TOM1L2: variants seen among roughly 807,000 people sequenced by gnomAD.
The protein encoded by TOM1L2 is target of myb1 like 2 membrane trafficking protein, also known as TOM1-like protein 2.
TOM1L2 carries 31 observed loss-of-function variants against 67.9 expected under a neutral mutation model. The ratio of observed to expected loss-of-function variants is 0.46; its 90% CI spans 0.34 to 0.62. The LOEUF (loss-of-function observed/expected upper bound fraction) is 0.62, where lower values mean the gene tolerates loss of function less well. Among genes scored for constraint, TOM1L2 ranks in the 20% least tolerant of loss-of-function variants. TOM1L2 has a pLI of 0.01. For synonymous variants in TOM1L2, 256 were observed against 254.0 expected (o/e 1.01, Z -0.07); for missense variants, 606 against 663.5 (o/e 0.91, Z 0.95).
At chr17:17,910,990 T>G (rs548608049) in intron 1 of TOM1L2, among the ~76,000 whole-genome samples, 1 of 152,236 alleles carries the variant, frequency 6.6e-6, no homozygotes, top group African/African-American at 2.4e-5. Flanking sequence ...TGGTGTTGGC[T>G]GCTTCTGAAG....
chr17:17,954,670 G>C (rs995718577), intron 1 of TOM1L2, among the ~76,000 whole-genome samples: 7 of 152,120 alleles, frequency 4.6e-5, no homozygotes, highest in African/African-American at 1.7e-4. Context: ...TGGTAGAGTT[G>C]TCCAAAGTTT....
rs570072235 is a variant in TOM1L2, at chr17:17,941,105, C to G, written c.52+31157G>C. 7.9e-5 allele frequency among the ~76,000 whole-genome samples: 12 copies of G among 152,330 alleles called. No individual in the cohort carries two copies. The South Asian group carries it at 8.3e-4, about 11-fold the overall frequency. On this transcript the variant is annotated intron_variant, in intron 1 of 14. Transcript: ENST00000379504. Reference sequence around the variant, plus strand: ...TACTGGAGACCATTTCTCCAGTGAACAGGTGGAAGGGTCATCTCAGTAAGA... The same window carrying G: ...TACTGGAGACCATTTCTCCAGTGAAGAGGTGGAAGGGTCATCTCAGTAAGA...
chr17:17,861,588 T>G, intron 11 of TOM1L2, 37 bp from the exon 12 acceptor site: 1 of 1,589,680 alleles, frequency 6.3e-7, no homozygotes, highest in Non-Finnish European at 8.6e-7. Context: ...GAGTTCATTT[T>G]CCTCCAGTGG....
At chr17:17,885,470 G>A (rs953287497) in intron 4 of TOM1L2, among the ~76,000 whole-genome samples, 1 of 152,168 alleles carries the variant, frequency 6.6e-6, no homozygotes, top group Non-Finnish European at 1.5e-5. Flanking sequence ...CTTTCATGAT[G>A]TCCGCTGCCA....
intron 2 of TOM1L2, among the ~76,000 whole-genome samples, chr17:17,899,019 C>A (rs533640837): frequency 6.6e-6 from 1 of 152,312 alleles, no homozygotes; most frequent in East Asian, 1.9e-4. Context: ...CAGGTGCCAG[C>A]GTAGGGAAGA....
chr17:17,887,766 T>G (rs1230042419), intron 4 of TOM1L2, among the ~76,000 whole-genome samples: 1 of 152,204 alleles, frequency 6.6e-6, no homozygotes, highest in African/African-American at 2.4e-5. Flanking sequence ...ATGAGCCAAC[T>G]GCGCCCAGCC....
intron 8 of TOM1L2, among the ~76,000 whole-genome samples, chr17:17,867,410 A>C (rs1484580132): frequency 6.6e-6 from 1 of 152,112 alleles, no homozygotes; most frequent in Non-Finnish European, 1.5e-5. Flanking sequence ...CGGCCTGGGG[A>C]AATGCTCGCC....
chr17:17,936,026 C>A (rs2040501550), intron 1 of TOM1L2, among the ~76,000 whole-genome samples: 1 of 152,226 alleles, frequency 6.6e-6, no homozygotes, highest in African/African-American at 2.4e-5. Context: ...TGTCACTGGC[C>A]TGCATTTATA....
At chr17:17,911,129 A>G (rs1428941233) in intron 1 of TOM1L2, among the ~76,000 whole-genome samples, 1 of 152,178 alleles carries the variant, frequency 6.6e-6, no homozygotes. Flanking sequence ...CAGAAAAACC[A>G]TGCTCAGAGC....
At chr17:17,962,736 G>A (rs936723714) in intron 1 of TOM1L2, among the ~76,000 whole-genome samples, 1 of 151,996 alleles carries the variant, frequency 6.6e-6, no homozygotes, top group East Asian at 1.9e-4. Context: ...GAGGTGGGTG[G>A]AATCACAAGG....
intron 12 of TOM1L2, among the ~76,000 whole-genome samples, chr17:17,860,975 G>A (rs2036526412): frequency 1.3e-5 from 2 of 152,208 alleles, no homozygotes; most frequent in African/African-American, 4.8e-5. Flanking sequence ...GGTTGGTACT[G>A]CTCTGCTAGG....
chr17:17,970,214 C>T (rs1457274445), intron 1 of TOM1L2, among the ~76,000 whole-genome samples: 2 of 151,682 alleles, frequency 1.3e-5, no homozygotes, highest in Admixed American at 6.6e-5. Flanking sequence ...GCCACCACGC[C>T]TGGCTAATTT....
At position 17,860,884 on chromosome 17, in the gene TOM1L2, C is replaced by G. The variant is rs533753362; in HGVS notation, c.1278+592G>C. Reference sequence around the variant, plus strand: ...ACTTCACTGTGCCGCACCCCCTCACCGCCACAGGACACCCTCCCAGCCACC... The same window carrying G: ...ACTTCACTGTGCCGCACCCCCTCACGGCCACAGGACACCCTCCCAGCCACC... On this transcript the variant is annotated intron_variant, in intron 12 of 14. Coordinates refer to ENST00000379504, the MANE Select transcript of TOM1L2 (RefSeq NM_001082968.2). Among the ~76,000 whole-genome samples the G allele has an allele frequency of 1.5e-3, 231 of 152,338 alleles. 1 individual carries two copies. The highest frequency in any genetic ancestry group is 5.3e-3 in the African/African-American group (219 of 41,574).
intron 1 of TOM1L2, among the ~76,000 whole-genome samples, chr17:17,962,795 C>A (rs2041739774): frequency 6.6e-6 from 1 of 151,848 alleles, no homozygotes; most frequent in Admixed American, 6.6e-5. Context: ...CCTATCTCTA[C>A]TAAAATTGCA....
chr17:17,880,759 G>A (rs1478832985), intron 6 of TOM1L2, among the ~76,000 whole-genome samples: 2 of 152,224 alleles, frequency 1.3e-5, no homozygotes, highest in Non-Finnish European at 2.9e-5. Flanking sequence ...CCAGGCTGCT[G>A]TGAGTTTCCC....
At position 17,907,659 on chromosome 17, in the gene TOM1L2, C is replaced by A. The variant is rs182343095; in HGVS notation, c.53-128G>T. ...GATGGGCTGAGCCAACAGAGCCATTCTAGGAGTGCTATTATCACAAGAGAA... is the reference window on the plus strand; with the variant it reads ...GATGGGCTGAGCCAACAGAGCCATTATAGGAGTGCTATTATCACAAGAGAA... On this transcript the variant is annotated intron_variant, in intron 1 of 14. Coordinates refer to ENST00000379504, the MANE Select transcript of TOM1L2 (RefSeq NM_001082968.2). The A allele has an allele frequency of 1.6e-4, 118 of 720,010 alleles. No homozygotes were observed. The African/African-American group carries it at 1.9e-3, about 12-fold the overall frequency. 44.6% of individuals were successfully genotyped at this position (720,010 alleles called of 1,614,324 possible).
intron 11 of TOM1L2, chr17:17,862,470 C>T: frequency 2.6e-6 from 1 of 387,190 alleles, no homozygotes. Flanking sequence ...AAAGCTGTCT[C>T]TTACAACTGA....
chr17:17,874,855 C>T (rs927588475), intron 7 of TOM1L2, among the ~76,000 whole-genome samples: 1 of 152,216 alleles, frequency 6.6e-6, no homozygotes, highest in African/African-American at 2.4e-5. Context: ...ATGCTAAAGA[C>T]AGGCCCAGAG....
chr17:17,862,708 C>T, intron 11 of TOM1L2, 23 bp downstream of exon 11: 3 of 1,586,604 alleles, frequency 1.9e-6, no homozygotes, highest in Non-Finnish European at 2.6e-6. Context: ...CTTTAGAGAG[C>T]CACTAAAAGG....
Sources: gnomAD v4.1 joint callset for allele counts (sites outside exome capture counted in the v4.1 genomes callset) on GRCh38, gnomAD v4.1.1 for gene constraint, MANE v1.5 for transcripts, NCBI Gene and HGNC (gene_info 2026-07-23, HGNC 2026-07-21) for gene names.